SPMIP4: variants seen among roughly 807,000 people sequenced by gnomAD.
The protein encoded by SPMIP4 is sperm microtubule inner protein 4.
chr7:25,166,684 C>T, the SPMIP4 span, among the ~76,000 whole-genome samples: 44 of 151,622 alleles, frequency 2.9e-4, 1 homozygote, highest in South Asian at 6.3e-3. Flanking sequence ...GTCGGGAGTT[C>T]GAGACCTGCC....
the SPMIP4 span, chr7:25,179,042 A>AAAACAAACAAAC: frequency 0.021 from 18,816 of 881,384 alleles, 465 homozygotes; most frequent in African/African-American, 0.082. Flanking sequence ...CACCGTCTCA[A>AAAACAAACAAAC]AAACAAACAA....
the SPMIP4 span, among the ~76,000 whole-genome samples, chr7:25,162,819 T>C: frequency 1.3e-5 from 2 of 152,156 alleles, no homozygotes; most frequent in African/African-American, 4.8e-5. Flanking sequence ...TTACCCAGGC[T>C]GGAGTGCAAT....
At chr7:25,150,837 T>C in the SPMIP4 span, among the ~76,000 whole-genome samples, 15 of 152,170 alleles carry the variant, frequency 9.9e-5, no homozygotes, top group Admixed American at 9.2e-4. Flanking sequence ...AAGGGTTAAA[T>C]GATGTATTTA....
chr7:25,164,328 A>G, the SPMIP4 span, among the ~76,000 whole-genome samples: 164 of 152,312 alleles, frequency 1.1e-3, no homozygotes, highest in African/African-American at 3.9e-3. Flanking sequence ...TGATGTGGTA[A>G]TTTTGGGCAG....
At chr7:25,160,371 T>C in the SPMIP4 span, among the ~76,000 whole-genome samples, 10 of 152,190 alleles carry the variant, frequency 6.6e-5, no homozygotes, top group Non-Finnish European at 1.2e-4. Context: ...TGATCTCGGC[T>C]CACTGCAACC....
chr7:25,155,323 A>G, the SPMIP4 span: 1 of 654,436 alleles, frequency 1.5e-6, no homozygotes, highest in Non-Finnish European at 2.4e-6. Flanking sequence ...GGGGGATAGG[A>G]CAGTGAGTCA....
chr7:25,154,872 G>A, the SPMIP4 span: 13 of 762,918 alleles, frequency 1.7e-5, no homozygotes, highest in South Asian at 3.9e-5. Context: ...TTGTAAAGTC[G>A]CAGCTGTGAA....
chr7:25,173,670 A>C, the SPMIP4 span, among the ~76,000 whole-genome samples: 1 of 152,218 alleles, frequency 6.6e-6, no homozygotes, highest in Non-Finnish European at 1.5e-5. This position sits in a 1 kb window ranked among gnomAD's most constrained non-coding sequence, Gnocchi z 4.4. Context: ...GGGACATGAC[A>C]AGTGAAAAAT....
the SPMIP4 span, chr7:25,142,098 C>T: frequency 1.7e-6 from 1 of 602,696 alleles, no homozygotes; most frequent in Non-Finnish European, 2.9e-6. Flanking sequence ...CAGTTCAAAT[C>T]AGCTCAGAAT....
the SPMIP4 span, among the ~76,000 whole-genome samples, chr7:25,164,917 G>T: frequency 1.3e-5 from 2 of 152,102 alleles, no homozygotes; most frequent in Admixed American, 6.6e-5. Context: ...TTAGAATAAT[G>T]GTCTCCAACT....
the SPMIP4 span, among the ~76,000 whole-genome samples, chr7:25,154,851 C>T: frequency 1.3e-5 from 2 of 152,148 alleles, no homozygotes; most frequent in African/African-American, 2.4e-5. Flanking sequence ...CATGGTGGCG[C>T]GCCAGCTGAT....
At chr7:25,177,502 CAAAA>C in the SPMIP4 span, among the ~76,000 whole-genome samples, 1,107 of 151,986 alleles carry the variant, frequency 7.3e-3, 5 homozygotes, top group Non-Finnish European at 0.013. Flanking sequence ...AACAAAAAAA[CAAAA>C]AACACAAAAC....
At chr7:25,171,695 G>A in the SPMIP4 span, among the ~76,000 whole-genome samples, 2 of 152,214 alleles carry the variant, frequency 1.3e-5, no homozygotes, top group African/African-American at 4.8e-5. Context: ...AGCCACTTCT[G>A]CCCTTAGGGC....
the SPMIP4 span, chr7:25,179,403 A>C: frequency 4.3e-6 from 6 of 1,399,688 alleles, no homozygotes; most frequent in African/African-American, 5.7e-5. Flanking sequence ...TTACACTGCT[A>C]AATTGTTCAA....
At chr7:25,178,663 C>T in the SPMIP4 span, among the ~76,000 whole-genome samples, 2 of 152,216 alleles carry the variant, frequency 1.3e-5, no homozygotes, top group Non-Finnish European at 2.9e-5. Context: ...TTATAGTAGA[C>T]AGCCACTTAC....
At chr7:25,146,620 A>C in the SPMIP4 span, among the ~76,000 whole-genome samples, 1 of 152,214 alleles carries the variant, frequency 6.6e-6, no homozygotes, top group Non-Finnish European at 1.5e-5. Flanking sequence ...GAAAGATGGC[A>C]GGTGGATCAA....
At chr7:25,169,506 C>T in the SPMIP4 span, among the ~76,000 whole-genome samples, 1 of 152,150 alleles carries the variant, frequency 6.6e-6, no homozygotes, top group Admixed American at 6.5e-5. Flanking sequence ...GCTTCTTTGA[C>T]TTGGCATAAA....
At chr7:25,179,204 C>A in the SPMIP4 span, 10 of 1,609,660 alleles carry the variant, frequency 6.2e-6, no homozygotes, top group Non-Finnish European at 8.5e-6. Context: ...GGCGAGTAAC[C>A]GTCTGGAGGG....
At chr7:25,127,199 C>T in the SPMIP4 span, among the ~76,000 whole-genome samples, 3 of 151,948 alleles carry the variant, frequency 2.0e-5, no homozygotes, top group Non-Finnish European at 4.4e-5. Context: ...GTTTTATAAC[C>T]TTCTTGTACT....
Sources: gnomAD v4.1 joint callset for allele counts (sites outside exome capture counted in the v4.1 genomes callset) on GRCh38, gnomAD v4.1.1 for gene constraint, Gnocchi (gnomAD v3.1) non-coding constraint, MANE v1.5 for transcripts, NCBI Gene and HGNC (gene_info 2026-07-23, HGNC 2026-07-21) for gene names.